Variants in SPATA6 observed in about 807,000 individuals in gnomAD.
SPATA6 encodes the protein spermatogenesis-associated protein 6.
Under a neutral mutation model 65.3 loss-of-function variants are expected in SPATA6, and 56 were observed. That is an observed-to-expected ratio of 0.86 (90% CI 0.69 to 1.07). The LOEUF (loss-of-function observed/expected upper bound fraction) is 1.07. SPATA6 is among the 50% of genes least tolerant of loss of function. The pLI, the probability that SPATA6 is intolerant of heterozygous loss-of-function variation, is 0.00. For missense variants in SPATA6, 590 were observed against 594.8 expected, an observed-to-expected ratio of 0.99 and a Z score of 0.08; for synonymous variants, 199 against 213.2, an observed-to-expected ratio of 0.93 and a Z score of 0.58.
chr1:48,404,236 A>G (rs1040969100), intron 5 of SPATA6, among the ~76,000 whole-genome samples: 2 of 151,974 alleles, frequency 1.3e-5, no homozygotes, highest in Admixed American at 1.3e-4. Context: ...TACTTTTACA[A>G]CTTACGACAT....
At chr1:48,336,245 G>C (rs186764844) in intron 11 of SPATA6, among the ~76,000 whole-genome samples, 6 of 152,024 alleles carry the variant, frequency 3.9e-5, no homozygotes, top group Admixed American at 3.9e-4. Flanking sequence ...ACCTAAAACA[G>C]AACTACCATT....
At chr1:48,410,250 CTT>C (rs1454627148) in intron 5 of SPATA6, among the ~76,000 whole-genome samples, 2 of 152,208 alleles carry the variant, frequency 1.3e-5, no homozygotes, top group Admixed American at 1.3e-4. Context: ...CTGCCACTCT[CTT>C]TGCTAAAGCA....
the SPATA6 span, among the ~76,000 whole-genome samples, chr1:48,273,648 A>G: frequency 3.9e-5 from 6 of 152,284 alleles, no homozygotes; most frequent in East Asian, 9.6e-4. Flanking sequence ...AGTGTCATCC[A>G]TGTCCCTGTA....
chr1:48,301,586 A>C (rs1644940436), intron 12 of SPATA6, among the ~76,000 whole-genome samples: 1 of 152,040 alleles, frequency 6.6e-6, no homozygotes, highest in African/African-American at 2.4e-5. Context: ...TCCTGAGCAA[A>C]CAGAACGAAG....
chr1:48,437,649 T>A (rs537685937), intron 3 of SPATA6, among the ~76,000 whole-genome samples: 2 of 152,324 alleles, frequency 1.3e-5, no homozygotes, highest in East Asian at 3.9e-4. Flanking sequence ...ACAGGCTAGT[T>A]TATCTTACAT....
In SPATA6 at chr1:48,411,482, C is replaced by T; in HGVS notation, c.387G>A (p.Arg129=). The change falls in exon 5 of 13, where the codon AGG becomes AGA. Residue 129 remains arginine (R), a synonymous_variant. Coordinates refer to ENST00000371847, the MANE Select transcript of SPATA6 (RefSeq NM_019073.4). ...CACTTACTCGAAGGCCAGAAATCCT[C>T]CTCATGGTAACCTGGCGGTTTGAAT... is the stretch of plus-strand genomic sequence containing the variant. ...HHDSNRQVTM[R]RISGLRGNAP... 2 of 1,608,390 alleles carry T rather than the reference C, an allele frequency of 1.2e-6. No individual in the cohort carries two copies. The highest frequency in any genetic ancestry group is 2.2e-5 in the South Asian group (2 of 89,338).
chr1:48,353,540 G>T (rs961148575), intron 11 of SPATA6, among the ~76,000 whole-genome samples: 17 of 149,618 alleles, frequency 1.1e-4, no homozygotes, highest in Non-Finnish European at 1.5e-5. Context: ...GACAAAAAAA[G>T]CTGCTGTAGC....
At chr1:48,311,865 C>T (rs1231044483) in intron 11 of SPATA6, among the ~76,000 whole-genome samples, 1 of 152,194 alleles carries the variant, frequency 6.6e-6, no homozygotes, top group Non-Finnish European at 1.5e-5. Flanking sequence ...GGGTCACTCC[C>T]ACCCTAATAC....
intron 11 of SPATA6, among the ~76,000 whole-genome samples, chr1:48,323,729 G>C (rs1481139566): frequency 6.6e-6 from 1 of 151,426 alleles, no homozygotes. Flanking sequence ...ACGAGCGTCT[G>C]TATTCCATAA....
intron 3 of SPATA6, among the ~76,000 whole-genome samples, chr1:48,429,055 A>G (rs889160205): frequency 6.6e-6 from 1 of 151,460 alleles, no homozygotes; most frequent in Admixed American, 6.6e-5. Context: ...CAGCTACCCA[A>G]CCCTCAAACT....
At chr1:48,324,314 A>G (rs1230791641) in intron 11 of SPATA6, among the ~76,000 whole-genome samples, 1 of 152,198 alleles carries the variant, frequency 6.6e-6, no homozygotes, top group Admixed American at 6.6e-5. Flanking sequence ...TCCAAAAAAT[A>G]GAGGAGGGAG....
chr1:48,456,541 G>T (rs1657018200), intron 1 of SPATA6, among the ~76,000 whole-genome samples: 1 of 151,826 alleles, frequency 6.6e-6, no homozygotes, highest in Admixed American at 6.6e-5. Context: ...CCCTGAGGAA[G>T]CCCAGAAGTT....
intron 11 of SPATA6, among the ~76,000 whole-genome samples, chr1:48,316,285 C>T (rs1177967471): frequency 6.6e-6 from 1 of 152,164 alleles, no homozygotes; most frequent in African/African-American, 2.4e-5. Flanking sequence ...TCAAACTATA[C>T]TACAAGGCTA....
At chr1:48,427,397 A>G (rs1021460607) in intron 3 of SPATA6, among the ~76,000 whole-genome samples, 1 of 151,638 alleles carries the variant, frequency 6.6e-6, no homozygotes, top group African/African-American at 2.4e-5. Flanking sequence ...ATGATCCAAA[A>G]TACTATAATA....
intron 8 of SPATA6, among the ~76,000 whole-genome samples, chr1:48,388,553 A>G (rs1570418032): frequency 6.6e-6 from 1 of 152,214 alleles, no homozygotes; most frequent in East Asian, 1.9e-4. Context: ...AAAGACACTC[A>G]GTGAGATACA....
intron 3 of SPATA6, among the ~76,000 whole-genome samples, chr1:48,435,629 C>T (rs183283322): frequency 1.0e-3 from 159 of 152,134 alleles, no homozygotes; most frequent in African/African-American, 3.7e-3. Flanking sequence ...TCTGTAAAAA[C>T]GCACCAATCA....
chr1:48,395,376 T>C (rs1306690904), intron 7 of SPATA6, 22 bp from the exon 8 acceptor site: 5 of 1,506,088 alleles, frequency 3.3e-6, no homozygotes, highest in Admixed American at 4.5e-5. Context: ...AGGATTTTTA[T>C]GTAAAAGAGA....
chr1:48,317,405 T>C (rs1380844091), intron 11 of SPATA6, among the ~76,000 whole-genome samples: 1 of 152,120 alleles, frequency 6.6e-6, no homozygotes, highest in Non-Finnish European at 1.5e-5. Context: ...GAAACCATCA[T>C]TCTCAGCAAA....
At chr1:48,315,492 C>T (rs893611459) in intron 11 of SPATA6, among the ~76,000 whole-genome samples, 6 of 152,114 alleles carry the variant, frequency 3.9e-5, no homozygotes, top group Non-Finnish European at 7.4e-5. Flanking sequence ...ATTCAACAAC[C>T]TTCATGCTAA....
Sources: allele counts gnomAD v4.1 joint callset (sites outside exome capture counted in the v4.1 genomes callset), GRCh38; gene constraint gnomAD v4.1.1; transcripts MANE v1.5; gene names NCBI Gene and HGNC (gene_info 2026-07-23, HGNC 2026-07-21).